ATXN8OS: variants seen among roughly 807,000 people sequenced by gnomAD.
ATXN8OS encodes ATXN8 opposite strand (non-protein coding).
At chr13:70,150,055 T>C (rs545711953) in intron 4 of ATXN8OS, among the ~76,000 whole-genome samples, 1 of 152,140 alleles carries the variant, frequency 6.6e-6, no homozygotes, top group Non-Finnish European at 1.5e-5. Flanking sequence ...AGGTCTTCCC[T>C]TAAACACGAG....
chr13:70,155,707 T>C (rs111282983), intron 4 of ATXN8OS, among the ~76,000 whole-genome samples: 7 of 151,908 alleles, frequency 4.6e-5, no homozygotes, highest in African/African-American at 1.7e-4. Context: ...TTCATAGTCA[T>C]AATATGCTTC....
intron 3 of ATXN8OS, among the ~76,000 whole-genome samples, chr13:70,140,054 C>G (rs1888689034): frequency 6.6e-6 from 1 of 152,076 alleles, no homozygotes; most frequent in African/African-American, 2.4e-5. Flanking sequence ...GGCTACAACT[C>G]TTCATAAAAA....
intron 2 of ATXN8OS, among the ~76,000 whole-genome samples, chr13:70,122,339 A>C (rs568501196): frequency 1.3e-5 from 2 of 152,114 alleles, no homozygotes; most frequent in African/African-American, 4.8e-5. Context: ...TCCTAAATGC[A>C]AAGTTTTCTA....
At chr13:70,111,954 A>G (rs1888203435) in intron 1 of ATXN8OS, among the ~76,000 whole-genome samples, 1 of 152,204 alleles carries the variant, frequency 6.6e-6, no homozygotes, top group Non-Finnish European at 1.5e-5. Context: ...ACTGCTATAA[A>G]GACATTCCTG....
chr13:70,142,512 T>A (rs1259972358), intron 3 of ATXN8OS, among the ~76,000 whole-genome samples: 2 of 152,218 alleles, frequency 1.3e-5, no homozygotes, highest in Admixed American at 1.3e-4. Flanking sequence ...TGTAGTATGA[T>A]GTTTGTATTA....
intron 4 of ATXN8OS, among the ~76,000 whole-genome samples, chr13:70,163,829 C>T (rs1439881588): frequency 6.7e-6 from 1 of 150,294 alleles, no homozygotes; most frequent in Admixed American, 6.7e-5. Flanking sequence ...GACTTTTTAT[C>T]TCTTGCAGTC....
At chr13:70,129,394 T>A (rs1378288861) in intron 2 of ATXN8OS, among the ~76,000 whole-genome samples, 1 of 152,016 alleles carries the variant, frequency 6.6e-6, no homozygotes, top group South Asian at 2.1e-4. Flanking sequence ...TGTGTGTGTG[T>A]GTGTGTGTGT....
chr13:70,142,183 A>G (rs1290070381), intron 3 of ATXN8OS, among the ~76,000 whole-genome samples: 1 of 152,044 alleles, frequency 6.6e-6, no homozygotes, highest in African/African-American at 2.4e-5. Context: ...CGTGCTTTGA[A>G]CACATTTTAA....
exon 5 of ATXN8OS, among the ~76,000 whole-genome samples, chr13:70,170,017 C>A (rs1162699428): frequency 1.3e-5 from 2 of 152,098 alleles, no homozygotes; most frequent in Non-Finnish European, 2.9e-5. Flanking sequence ...TTTCCTTGTT[C>A]TCTTGGCTAA....
intron 2 of ATXN8OS, among the ~76,000 whole-genome samples, chr13:70,127,051 CTGTCTCTTTCTCTA>C (rs1261707436): frequency 6.6e-6 from 1 of 151,866 alleles, no homozygotes; most frequent in East Asian, 1.9e-4. Context: ...CTCTATCTCT[CTGTCTCTTTCTCTA>C]TGTCTTTATC....
intron 4 of ATXN8OS, among the ~76,000 whole-genome samples, chr13:70,165,298 A>G (rs915373086): frequency 1.3e-5 from 2 of 151,894 alleles, no homozygotes; most frequent in African/African-American, 4.8e-5. Context: ...TAGATATGTT[A>G]GACTAGGAGA....
chr13:70,161,420 T>G (rs921114789), intron 4 of ATXN8OS, among the ~76,000 whole-genome samples: 2 of 152,114 alleles, frequency 1.3e-5, no homozygotes, highest in Admixed American at 1.3e-4. Context: ...CAGGACTTGC[T>G]TTTTTGTTTT....
chr13:70,130,689 A>G, intron 3 of ATXN8OS: 1 of 398,482 alleles, frequency 2.5e-6, no homozygotes, highest in Non-Finnish European at 4.4e-6. Flanking sequence ...TTCAAACTTC[A>G]GAGAGAGAGG....
intron 3 of ATXN8OS, among the ~76,000 whole-genome samples, chr13:70,133,294 C>T (rs1345353788): frequency 6.6e-6 from 1 of 152,034 alleles, no homozygotes; most frequent in Non-Finnish European, 1.5e-5. Context: ...ATGGTGTGCG[C>T]CTGTAGTCCT....
chr13:70,124,870 G>A (rs1888407074), intron 2 of ATXN8OS, among the ~76,000 whole-genome samples: 1 of 151,052 alleles, frequency 6.6e-6, no homozygotes, highest in African/African-American at 2.4e-5. Context: ...ACCTTTAAAG[G>A]ATTTTTAATT....
intron 3 of ATXN8OS, among the ~76,000 whole-genome samples, chr13:70,141,428 C>A (rs1888714082): frequency 6.6e-6 from 1 of 152,088 alleles, no homozygotes; most frequent in African/African-American, 2.4e-5. Context: ...GTATTTATAA[C>A]TGCAAAATAT....
At chr13:70,160,314 G>C (rs1452397033) in intron 4 of ATXN8OS, among the ~76,000 whole-genome samples, 1 of 151,880 alleles carries the variant, frequency 6.6e-6, no homozygotes, top group African/African-American at 2.4e-5. Context: ...TATAAATTTT[G>C]GTTTATCATT....
chr13:70,164,479 A>C (rs538112491), intron 4 of ATXN8OS, among the ~76,000 whole-genome samples: 19 of 151,976 alleles, frequency 1.3e-4, no homozygotes, highest in Non-Finnish European at 2.5e-4. Context: ...TGAAAGTTAA[A>C]AAATTAGGAT....
At chr13:70,107,834 C>A (rs1888112969) in exon 1 of ATXN8OS, 2 of 664,138 alleles carry the variant, frequency 3.0e-6, no homozygotes, top group South Asian at 2.3e-5. Context: ...CCAGAAGACG[C>A]TAGGTGGGCT....
Sources: gnomAD v4.1 joint callset for allele counts (sites outside exome capture counted in the v4.1 genomes callset) on GRCh38, gnomAD v4.1.1 for gene constraint, MANE v1.5 for transcripts, NCBI Gene and HGNC (gene_info 2026-07-23, HGNC 2026-07-21) for gene names.